Variants in AFF3 observed in about 807,000 individuals in gnomAD.
The protein encoded by AFF3 is AF4/FMR2 family member 3.
A neutral mutation model predicts 129.7 loss-of-function variants in AFF3; 32 were observed. The ratio of observed to expected loss-of-function variants is 0.25; its 90% CI spans 0.19 to 0.33. AFF3 has a LOEUF of 0.33. Ranked by LOEUF, AFF3 falls within the 10% of genes least tolerant of loss-of-function variation. The probability of loss-of-function intolerance (pLI) is 1.00; values close to 1 mark genes in which losing one functional copy is unlikely to be tolerated. For synonymous variants in AFF3, 644 were observed against 635.4 expected, an observed-to-expected ratio of 1.01 and a Z score of -0.20; for missense variants, 1,373 against 1,592.0, an observed-to-expected ratio of 0.86 and a Z score of 2.34.
chr2:99,772,431 C>T (rs1439837234), intron 8 of AFF3, among the ~76,000 whole-genome samples: 2 of 152,232 alleles, frequency 1.3e-5, no homozygotes, highest in Non-Finnish European at 2.9e-5. Flanking sequence ...TCAGGATTCT[C>T]TCTGAACTTT....
At chr2:99,695,211 T>C (rs1036845697) in intron 11 of AFF3, among the ~76,000 whole-genome samples, 2 of 152,208 alleles carry the variant, frequency 1.3e-5, no homozygotes, top group African/African-American at 4.8e-5. Flanking sequence ...AGACTCCCCA[T>C]TTCAAGTGTT....
At chr2:100,058,781 AAAGTAC>A (rs1687007739) in intron 4 of AFF3, among the ~76,000 whole-genome samples, 1 of 152,238 alleles carries the variant, frequency 6.6e-6, no homozygotes, top group Non-Finnish European at 1.5e-5. Context: ...TATGACACGA[AAAGTAC>A]AAGTATAAAA....
intron 11 of AFF3, among the ~76,000 whole-genome samples, chr2:99,720,512 C>T (rs566107842): frequency 6.6e-6 from 1 of 152,160 alleles, no homozygotes; most frequent in South Asian, 2.1e-4. Context: ...TGATGCCCTG[C>T]TTCCCATACA....
At chr2:99,741,288 T>C (rs1338564461) in intron 10 of AFF3, among the ~76,000 whole-genome samples, 5 of 152,134 alleles carry the variant, frequency 3.3e-5, no homozygotes, top group Non-Finnish European at 2.9e-5. Flanking sequence ...TGTCTCTGTT[T>C]GCAGATGACA....
chr2:99,753,688 T>C (rs1681860492), intron 8 of AFF3, among the ~76,000 whole-genome samples: 1 of 152,086 alleles, frequency 6.6e-6, no homozygotes, highest in East Asian at 1.9e-4. Flanking sequence ...TTCAAAGCCA[T>C]GTGGGAAGGA....
In AFF3 at chr2:100,023,587, G is replaced by A. The variant is rs1375137225; in HGVS notation, c.54-14655C>T. 5.9e-5 allele frequency among the ~76,000 whole-genome samples: 9 copies of A among 152,090 alleles called. No individual in the cohort carries two copies. The East Asian group carries it at 1.3e-3, about 23-fold the overall frequency. Reference sequence around the variant, plus strand: ...AGAAGAATACTTCCTATCACTGAACGCATAGTTTCCAAGGAGCCCCCTCTA... The same window carrying A: ...AGAAGAATACTTCCTATCACTGAACACATAGTTTCCAAGGAGCCCCCTCTA... On this transcript the variant is annotated intron_variant, in intron 4 of 24. Transcript: ENST00000672756.
chr2:99,948,735 G>C (rs77976845), intron 7 of AFF3, among the ~76,000 whole-genome samples: 6,266 of 152,096 alleles, frequency 0.041, 402 homozygotes, highest in African/African-American at 0.14. Context: ...CAAATCAGCA[G>C]TCCATGTAGA....
chr2:99,679,488 C>G (rs558646879), intron 11 of AFF3, among the ~76,000 whole-genome samples: 1 of 152,298 alleles, frequency 6.6e-6, no homozygotes, highest in South Asian at 2.1e-4. Flanking sequence ...TCACAAAAGC[C>G]AGTCTCATTT....
Position 99,633,085 on chromosome 2 carries a change from C to T in AFF3, c.1184+16541G>A, listed in dbSNP as rs538089411. ...TTTGGAATCAGCTTTTTGTTTTACA[C>T]GCCTCTTTCCCCAAAATCATCTGCT... is the stretch of plus-strand genomic sequence containing the variant. On this transcript the variant is annotated intron_variant, in intron 13 of 24. Coordinates refer to ENST00000672756, the MANE Select transcript of AFF3 (RefSeq NM_001386135.1). Among the ~76,000 whole-genome samples the T allele has an allele frequency of 3.5e-4, 53 of 151,930 alleles. No homozygotes were observed. In the South Asian group the frequency reaches 9.4e-3, roughly 27 times the overall value.
At chr2:100,103,511 T>A (rs1192674205) in intron 4 of AFF3, among the ~76,000 whole-genome samples, 6 of 99,238 alleles carry the variant, frequency 6.0e-5, no homozygotes, top group Non-Finnish European at 2.1e-5. Flanking sequence ...TAAGAGATAG[T>A]GGGGGGTTGG....
intron 7 of AFF3, among the ~76,000 whole-genome samples, chr2:99,846,026 G>GT (rs1332518038): frequency 6.6e-6 from 1 of 151,818 alleles, no homozygotes; most frequent in Non-Finnish European, 1.5e-5. Context: ...TAGAGACGGG[G>GT]TTTCACCACG....
At chr2:99,713,430 A>G (rs954431712) in intron 11 of AFF3, among the ~76,000 whole-genome samples, 6 of 151,062 alleles carry the variant, frequency 4.0e-5, no homozygotes, top group African/African-American at 1.5e-4. Flanking sequence ...CACCACGCTC[A>G]GCTAATTTTT....
intron 8 of AFF3, among the ~76,000 whole-genome samples, chr2:99,766,330 C>T (rs1683016279): frequency 6.6e-6 from 1 of 152,204 alleles, no homozygotes; most frequent in Non-Finnish European, 1.5e-5. Flanking sequence ...CTTCTACTAA[C>T]TTTATGCAAG....
At chr2:99,666,733 T>C (rs1478178846) in intron 12 of AFF3, among the ~76,000 whole-genome samples, 1 of 152,150 alleles carries the variant, frequency 6.6e-6, no homozygotes, top group Non-Finnish European at 1.5e-5. Context: ...AAAGCATTAA[T>C]CAAAATAAAG....
At chr2:99,643,664 C>T (rs76324201) in intron 13 of AFF3, among the ~76,000 whole-genome samples, 4,867 of 152,214 alleles carry the variant, frequency 0.032, 122 homozygotes, top group Middle Eastern at 0.085. Flanking sequence ...GGCTGGAGCT[C>T]GTCCACTTGA....
Position 99,765,758 on chromosome 2 carries a change from T to A in AFF3, c.922-13457A>T, listed in dbSNP as rs1472701193. On this transcript the variant is annotated intron_variant, in intron 8 of 24. Coordinates refer to ENST00000672756, the MANE Select transcript of AFF3 (RefSeq NM_001386135.1). Reference sequence around the variant, plus strand: ...AGAAGACGTTTATGAATTTGTTTTTTAATCTATTTTACTCTTTAATTATTT... The same window carrying A: ...AGAAGACGTTTATGAATTTGTTTTTAAATCTATTTTACTCTTTAATTATTT... 2.0e-5 allele frequency among the ~76,000 whole-genome samples: 3 copies of A among 152,252 alleles called. No individual in the cohort carries two copies. In the East Asian group the frequency reaches 5.8e-4, roughly 29 times the overall value.
At chr2:100,132,215 T>C (rs770012401) in intron 1 of AFF3, among the ~76,000 whole-genome samples, 2 of 152,144 alleles carry the variant, frequency 1.3e-5, no homozygotes, top group African/African-American at 2.4e-5. Context: ...TGCTTGAAAA[T>C]TGCTTAGAGA....
intron 7 of AFF3, among the ~76,000 whole-genome samples, chr2:99,906,339 G>C (rs1053068712): frequency 5.9e-5 from 9 of 152,178 alleles, no homozygotes; most frequent in African/African-American, 2.2e-4. Flanking sequence ...ATGTGGCAGA[G>C]CTGGGCTTCA....
At chr2:100,074,198 G>GT (rs1266044422) in intron 4 of AFF3, among the ~76,000 whole-genome samples, 1 of 152,132 alleles carries the variant, frequency 6.6e-6, no homozygotes, top group Non-Finnish European at 1.5e-5. Context: ...ACTTTGCTGC[G>GT]TTTTACTCTG....
Sources: allele counts gnomAD v4.1 joint callset (sites outside exome capture counted in the v4.1 genomes callset), GRCh38; gene constraint gnomAD v4.1.1; transcripts MANE v1.5; gene names NCBI Gene and HGNC (gene_info 2026-07-23, HGNC 2026-07-21).